CACNA1D: variants seen among roughly 807,000 people sequenced by gnomAD.
The protein encoded by CACNA1D is calcium voltage-gated channel subunit alpha1 D.
A neutral mutation model predicts 257.1 loss-of-function variants in CACNA1D; 55 were observed. That is an observed-to-expected ratio of 0.21 (90% CI 0.17 to 0.27). The LOEUF is 0.27. CACNA1D is among the 10% of genes least tolerant of loss of function. The pLI is 1.00. For missense variants in CACNA1D, 1,876 were observed against 2,784.0 expected (o/e 0.67, Z 7.34); for synonymous variants, 980 against 1,014.9 (o/e 0.97, Z 0.65).
chr3:53,690,763 T>G (rs2094512323), intron 8 of CACNA1D, among the ~76,000 whole-genome samples: 1 of 152,162 alleles, frequency 6.6e-6, no homozygotes, highest in South Asian at 2.1e-4. Context: ...TCCTCCACAG[T>G]GGGAACCCCT....
At chr3:53,682,365 TAAAAAAAAAAAAAAAAAAAAAA>T (rs3082718) in intron 8 of CACNA1D, among the ~76,000 whole-genome samples, 1 of 47,386 alleles carries the variant, frequency 2.1e-5, no homozygotes, top group Admixed American at 2.8e-4. Context: ...TTGTCTCTGG[TAAAAAAAAAAAAAAAAAAAAAA>T]AAAAAAAAAC....
At chr3:53,545,478 G>T (rs1304785552) in intron 3 of CACNA1D, among the ~76,000 whole-genome samples, 3 of 152,224 alleles carry the variant, frequency 2.0e-5, no homozygotes, top group Non-Finnish European at 4.4e-5. Flanking sequence ...CCCGAAGGAG[G>T]TTCTTAGAGG....
chr3:53,580,561 T>A (rs1440465519), intron 3 of CACNA1D, among the ~76,000 whole-genome samples: 1 of 152,206 alleles, frequency 6.6e-6, no homozygotes, highest in Non-Finnish European at 1.5e-5. Context: ...GTAAGAGACA[T>A]TCACCATCTG....
intron 17 of CACNA1D, 117 bp downstream of exon 17, chr3:53,731,263 G>A (rs1046914253): frequency 3.3e-5 from 26 of 777,350 alleles, no homozygotes; most frequent in Admixed American, 2.6e-4. Context: ...ATATTTTGGT[G>A]TGAAGAATAT....
chr3:53,753,304 G>C (rs975090460), intron 28 of CACNA1D, among the ~76,000 whole-genome samples: 1 of 152,230 alleles, frequency 6.6e-6, no homozygotes, highest in Non-Finnish European at 1.5e-5. Context: ...AGCCCTGCCA[G>C]AAGAAAGGGT....
chr3:53,711,779 G>C (rs956791431), intron 9 of CACNA1D, among the ~76,000 whole-genome samples: 13 of 152,240 alleles, frequency 8.5e-5, no homozygotes, highest in Non-Finnish European at 1.3e-4. Context: ...AGGCCTAAAA[G>C]TGAAAAGGAA....
intron 8 of CACNA1D, among the ~76,000 whole-genome samples, chr3:53,696,469 G>A (rs2094574183): frequency 6.6e-6 from 1 of 152,220 alleles, no homozygotes; most frequent in African/African-American, 2.4e-5. Context: ...CTCACCAGCG[G>A]GGATGGGGTA....
At position 53,548,304 on chromosome 3, in the gene CACNA1D, A is replaced by G. The variant is rs182478064; in HGVS notation, c.483+46584A>G. ...AGATTGTATCCTTCTGGAGAGCTGAATTTTCCAGAGTGCTAAAGCTGAATT... is the reference window on the plus strand; with the variant it reads ...AGATTGTATCCTTCTGGAGAGCTGAGTTTTCCAGAGTGCTAAAGCTGAATT... On this transcript the variant is annotated intron_variant, in intron 3 of 47. Coordinates refer to ENST00000350061, the MANE Select transcript of CACNA1D (RefSeq NM_001128840.3). 3.5e-3 allele frequency among the ~76,000 whole-genome samples: 522 copies of G among 148,682 alleles called. 1 individual carries two copies. The highest frequency in any genetic ancestry group is 5.8e-3 in the Non-Finnish European group (391 of 67,506).
intron 9 of CACNA1D, among the ~76,000 whole-genome samples, chr3:53,717,081 GGAGCCACACGGGCA>G (rs1354240670): frequency 6.6e-6 from 1 of 152,244 alleles, no homozygotes; most frequent in African/African-American, 2.4e-5. Flanking sequence ...CTTGCTAAGG[GGAGCCACACGGGCA>G]GAGCCCATGG....
chr3:53,661,836 C>T (rs755263118), intron 5 of CACNA1D, among the ~76,000 whole-genome samples: 32 of 152,302 alleles, frequency 2.1e-4, no homozygotes, highest in Admixed American at 5.9e-4. Flanking sequence ...CTTCCTTTCC[C>T]CAACAGACAT....
At chr3:53,712,339 C>T (rs1014887591) in intron 9 of CACNA1D, among the ~76,000 whole-genome samples, 3 of 152,324 alleles carry the variant, frequency 2.0e-5, no homozygotes, top group Admixed American at 6.5e-5. Flanking sequence ...AGGTGGGGCA[C>T]GAGCCCTCAT....
rs568762691 is a variant in CACNA1D at position 53,650,679 on chromosome 3, A to G, written c.484-100A>G. 17 of 1,216,246 alleles carry G rather than the reference A, an allele frequency of 1.4e-5. No homozygotes were observed. In the African/African-American group the frequency reaches 2.1e-4, roughly 15 times the overall value. 75.3% of individuals were successfully genotyped at this position (1,216,246 alleles called of 1,614,324 possible). On this transcript the variant is annotated intron_variant, in intron 3 of 47. Transcript: ENST00000350061. ...AAACTTTGTTTGGAGGGAAATGCTT[A>G]TATGTCTAAGGTGTTGATTCTAATC...
chr3:53,740,496 A>G, intron 21 of CACNA1D, 157 bp downstream of exon 21: 1 of 677,402 alleles, frequency 1.5e-6, no homozygotes, highest in Non-Finnish European at 2.7e-6. Flanking sequence ...GTTACCCGGC[A>G]GTGTGTTTAA....
chr3:53,797,633 C>G (rs2095513807), intron 40 of CACNA1D: 1 of 152,218 alleles, frequency 6.6e-6, no homozygotes, highest in Non-Finnish European at 1.5e-5. Flanking sequence ...TCGACTAAAT[C>G]CTAATCTTGT....
intron 3 of CACNA1D, among the ~76,000 whole-genome samples, chr3:53,646,720 C>G (rs931441486): frequency 1.3e-5 from 2 of 152,212 alleles, no homozygotes; most frequent in Non-Finnish European, 2.9e-5. Context: ...TCTTACCTGG[C>G]TGCATCAAGC....
At chr3:53,568,177 C>G (rs933652870) in intron 3 of CACNA1D, among the ~76,000 whole-genome samples, 6 of 152,134 alleles carry the variant, frequency 3.9e-5, no homozygotes, top group Non-Finnish European at 8.8e-5. Flanking sequence ...CTCAGACTTG[C>G]TTAGCTGCAG....
Position 53,761,982 on chromosome 3 carries a change from C to T in CACNA1D, c.3787-16C>T, listed in dbSNP as rs757301541. 13 of 1,582,380 alleles carry T rather than the reference C, an allele frequency of 8.2e-6. No individual in the cohort carries two copies. The highest frequency in any genetic ancestry group is 6.7e-5 in the East Asian group (3 of 44,732). The stretch of plus-strand genomic sequence containing the variant: ...ATACATGCTCATAAACATCTGCCCT[C>T]GCCTGCTCTGTCCAGGGGTATTTTA... On this transcript the variant is annotated splice_polypyrimidine_tract_variant and intron_variant, in intron 29 of 47. Transcript: ENST00000350061.
intron 46 of CACNA1D, 45 bp from the exon 47 acceptor site, chr3:53,809,933 A>G: frequency 6.3e-7 from 1 of 1,578,828 alleles, no homozygotes; most frequent in South Asian, 1.1e-5. Context: ...TGAGGCCCGG[A>G]CCTCTGAGAA....
intron 23 of CACNA1D, among the ~76,000 whole-genome samples, chr3:53,745,077 T>C (rs1439273990): frequency 6.6e-6 from 1 of 152,202 alleles, no homozygotes; most frequent in Non-Finnish European, 1.5e-5. Flanking sequence ...TTTTTATTAG[T>C]AGTTCTTTGT....
Sources: gnomAD v4.1 joint callset for allele counts (sites outside exome capture counted in the v4.1 genomes callset) on GRCh38, gnomAD v4.1.1 for gene constraint, MANE v1.5 for transcripts, NCBI Gene and HGNC (gene_info 2026-07-23, HGNC 2026-07-21) for gene names.